SCHIP1: variants seen among roughly 807,000 people sequenced by gnomAD.
SCHIP1 encodes schwannomin interacting protein 1.
A neutral mutation model predicts 29.7 loss-of-function variants in SCHIP1; 8 were observed. The ratio of observed to expected loss-of-function variants is 0.27; its 90% CI spans 0.16 to 0.49. The LOEUF (loss-of-function observed/expected upper bound fraction) is 0.49, where lower values mean the gene tolerates loss of function less well. Ranked by LOEUF, SCHIP1 falls within the 20% of genes least tolerant of loss-of-function variation. The pLI is 0.99. For synonymous variants in SCHIP1, 76 were observed against 94.9 expected, an observed-to-expected ratio of 0.80 and a Z score of 1.16; for missense variants, 193 against 294.6, an observed-to-expected ratio of 0.66 and a Z score of 2.52.
chr3:159,813,159 A>AGTC, the SCHIP1 span, among the ~76,000 whole-genome samples: 1 of 152,196 alleles, frequency 6.6e-6, no homozygotes, highest in Non-Finnish European at 1.5e-5. Context: ...GGAGCTGACC[A>AGTC]TATTCAAACC....
the SCHIP1 span, among the ~76,000 whole-genome samples, chr3:159,340,762 G>C: frequency 3.3e-5 from 5 of 151,808 alleles, no homozygotes; most frequent in Non-Finnish European, 5.9e-5. Flanking sequence ...ACATTTTTTT[G>C]CTTTTCTGTG....
At chr3:159,309,564 C>T in the SCHIP1 span, among the ~76,000 whole-genome samples, 5 of 150,756 alleles carry the variant, frequency 3.3e-5, no homozygotes, top group Non-Finnish European at 5.9e-5. Context: ...GTTGCCTGGT[C>T]CTTTGGATTC....
the SCHIP1 span, among the ~76,000 whole-genome samples, chr3:159,301,212 G>A: frequency 1.3e-5 from 2 of 152,120 alleles, no homozygotes; most frequent in East Asian, 3.9e-4. Flanking sequence ...TTGCAGGTGA[G>A]GAAATTAAAA....
chr3:159,668,376 CAAAAAAAAAAA>C, the SCHIP1 span, among the ~76,000 whole-genome samples: 2 of 46,412 alleles, frequency 4.3e-5, no homozygotes, highest in South Asian at 7.0e-4. Context: ...GACTCCGTCT[CAAAAAAAAAAA>C]AAAAAAAAAG....
chr3:159,874,964 G>A (rs2109328955), intron 2 of SCHIP1, among the ~76,000 whole-genome samples: 1 of 150,012 alleles, frequency 6.7e-6, no homozygotes, highest in East Asian at 2.0e-4. Flanking sequence ...CATTGCAAAT[G>A]GTAGCTAATG....
chr3:159,497,320 C>T, the SCHIP1 span, among the ~76,000 whole-genome samples: 1 of 151,858 alleles, frequency 6.6e-6, no homozygotes, highest in Non-Finnish European at 1.5e-5. Flanking sequence ...CAAGTTGATA[C>T]CACTCTTTAT....
chr3:159,433,150 G>C, the SCHIP1 span, among the ~76,000 whole-genome samples: 1 of 152,176 alleles, frequency 6.6e-6, no homozygotes, highest in African/African-American at 2.4e-5. Context: ...GTGTTGAGCT[G>C]AGTCTAGCAG....
At chr3:159,834,193 A>G in the SCHIP1 span, among the ~76,000 whole-genome samples, 12 of 152,216 alleles carry the variant, frequency 7.9e-5, no homozygotes, top group Non-Finnish European at 1.5e-4. Flanking sequence ...GTACTATGTC[A>G]GACATTGGGG....
At chr3:159,455,334 G>A in the SCHIP1 span, among the ~76,000 whole-genome samples, 3 of 152,142 alleles carry the variant, frequency 2.0e-5, no homozygotes, top group Admixed American at 2.0e-4. Context: ...CATATCCCTG[G>A]AGGACTTCAG....
chr3:159,396,799 C>T, the SCHIP1 span, among the ~76,000 whole-genome samples: 4 of 151,814 alleles, frequency 2.6e-5, no homozygotes, highest in South Asian at 2.1e-4. Flanking sequence ...ATTATGTGTC[C>T]TGGAGTTGCT....
At chr3:159,725,043 A>T in the SCHIP1 span, among the ~76,000 whole-genome samples, 1 of 152,192 alleles carries the variant, frequency 6.6e-6, no homozygotes, top group East Asian at 1.9e-4. Flanking sequence ...AGTATAAGCT[A>T]CCTAACTGTA....
At chr3:159,573,632 T>A in the SCHIP1 span, among the ~76,000 whole-genome samples, 1 of 152,200 alleles carries the variant, frequency 6.6e-6, no homozygotes, top group African/African-American at 2.4e-5. Flanking sequence ...ATTCTCTGTA[T>A]TTCCTGAATT....
the SCHIP1 span, among the ~76,000 whole-genome samples, chr3:159,588,959 T>G: frequency 6.6e-6 from 1 of 152,204 alleles, no homozygotes; most frequent in Non-Finnish European, 1.5e-5. Flanking sequence ...CTTTTTTGGT[T>G]GCATATGAAA....
the SCHIP1 span, among the ~76,000 whole-genome samples, chr3:159,396,131 T>G: frequency 7.3e-6 from 1 of 136,534 alleles, no homozygotes; most frequent in South Asian, 2.5e-4. Flanking sequence ...TATCAGAGAC[T>G]AGGATTCCAA....
At chr3:159,541,709 T>C in the SCHIP1 span, among the ~76,000 whole-genome samples, 1 of 152,106 alleles carries the variant, frequency 6.6e-6, no homozygotes, top group African/African-American at 2.4e-5. Flanking sequence ...TCCTGTTTTG[T>C]AGGCAATTTT....
the SCHIP1 span, among the ~76,000 whole-genome samples, chr3:159,374,298 C>G: frequency 6.6e-6 from 1 of 151,878 alleles, no homozygotes; most frequent in East Asian, 1.9e-4. Context: ...AGAAAAGGAG[C>G]AAACAGGGAT....
At chr3:159,321,797 C>T in the SCHIP1 span, among the ~76,000 whole-genome samples, 1 of 151,960 alleles carries the variant, frequency 6.6e-6, no homozygotes, top group African/African-American at 2.4e-5. Flanking sequence ...AAAGGAACAT[C>T]TTTAACGTTT....
At chr3:159,444,239 G>A in the SCHIP1 span, among the ~76,000 whole-genome samples, 1 of 152,110 alleles carries the variant, frequency 6.6e-6, no homozygotes, top group African/African-American at 2.4e-5. Context: ...CCACTGAGAG[G>A]AGAGGAAGCA....
At chr3:159,834,035 T>A in the SCHIP1 span, among the ~76,000 whole-genome samples, 2 of 152,188 alleles carry the variant, frequency 1.3e-5, no homozygotes, top group African/African-American at 2.4e-5. Context: ...GGACAGTTGA[T>A]GTTGTTCTTA....
Sources: gnomAD v4.1 joint callset for allele counts (sites outside exome capture counted in the v4.1 genomes callset) on GRCh38, gnomAD v4.1.1 for gene constraint, MANE v1.5 for transcripts, NCBI Gene and HGNC (gene_info 2026-07-23, HGNC 2026-07-21) for gene names.